Variants in ALMS1 observed in about 807,000 individuals in gnomAD.
ALMS1 encodes ALMS1 centrosome and basal body associated protein.
A neutral mutation model predicts 352.2 loss-of-function variants in ALMS1; 271 were observed. That is an observed-to-expected ratio of 0.77 (90% CI 0.70 to 0.85). The LOEUF (loss-of-function observed/expected upper bound fraction) is 0.85, where lower values mean the gene tolerates loss of function less well. Among genes scored for constraint, ALMS1 ranks in the 40% least tolerant of loss-of-function variants. The pLI is 0.00. For synonymous variants in ALMS1, 1,865 were observed against 1,761.2 expected, an observed-to-expected ratio of 1.06 and a Z score of -1.48; for missense variants, 5,445 against 4,870.7, an observed-to-expected ratio of 1.12 and a Z score of -3.51.
chr2:73,593,229 C>T (rs1187687790), intron 16 of ALMS1, among the ~76,000 whole-genome samples: 2 of 151,784 alleles, frequency 1.3e-5, no homozygotes, highest in Non-Finnish European at 2.9e-5. Context: ...ATGATGGGTC[C>T]TCAGCACAAA....
chr2:73,591,403 A>G (rs556963148), intron 16 of ALMS1, among the ~76,000 whole-genome samples: 1 of 152,320 alleles, frequency 6.6e-6, no homozygotes, highest in East Asian at 1.9e-4. Flanking sequence ...AGTAATGTCA[A>G]TAAATTAATT....
intron 2 of ALMS1, among the ~76,000 whole-genome samples, chr2:73,418,908 GT>G (rs1344318614): frequency 2.0e-5 from 3 of 151,974 alleles, no homozygotes; most frequent in African/African-American, 7.3e-5. Flanking sequence ...AGTATAAAAG[GT>G]TTTTTTGTGT....
At chr2:73,474,940 T>C (rs903940135) in intron 9 of ALMS1, among the ~76,000 whole-genome samples, 1 of 152,144 alleles carries the variant, frequency 6.6e-6, no homozygotes, top group African/African-American at 2.4e-5. Context: ...CCAGTCCACT[T>C]TCTCTCCCAA....
intron 16 of ALMS1, among the ~76,000 whole-genome samples, chr2:73,582,319 G>A (rs1009053788): frequency 1.3e-5 from 2 of 152,004 alleles, no homozygotes; most frequent in Non-Finnish European, 2.9e-5. Context: ...TTAAATAAAG[G>A]TGTGTTCAAC....
chr2:73,482,569 G>T (rs907953022), intron 9 of ALMS1, among the ~76,000 whole-genome samples: 1 of 152,114 alleles, frequency 6.6e-6, no homozygotes, highest in African/African-American at 2.4e-5. Context: ...CCTGGCTTTG[G>T]TATCAGAATG....
intron 1 of ALMS1, among the ~76,000 whole-genome samples, chr2:73,391,647 C>G (rs1024075753): frequency 4.6e-5 from 7 of 152,036 alleles, no homozygotes; most frequent in Non-Finnish European, 1.0e-4. Context: ...AGGGTAAAAA[C>G]TATTTAGTCG....
intron 1 of ALMS1, among the ~76,000 whole-genome samples, chr2:73,392,601 T>C (rs1010670334): frequency 2.0e-5 from 3 of 152,216 alleles, no homozygotes; most frequent in South Asian, 2.1e-4. Flanking sequence ...TGGAATGATA[T>C]GTGTTTTTGT....
chr2:73,464,324 C>T (rs1383910243), intron 9 of ALMS1, among the ~76,000 whole-genome samples: 1 of 152,210 alleles, frequency 6.6e-6, no homozygotes, highest in African/African-American at 2.4e-5. Context: ...CCAGCATATA[C>T]ACAGAACCAA....
chr2:73,581,812 T>C (rs1432474298), intron 16 of ALMS1, among the ~76,000 whole-genome samples: 1 of 151,930 alleles, frequency 6.6e-6, no homozygotes, highest in Non-Finnish European at 1.5e-5. Flanking sequence ...TGGCACAATC[T>C]CAGCTCACTG....
chr2:73,452,352 C>CA lies in ALMS1; in HGVS notation c.5826dup (p.Arg1943ThrfsTer2). 1 of 1,614,084 alleles carries CA rather than the reference C, an allele frequency of 6.2e-7. No individual in the cohort carries two copies. Among genetic ancestry groups the CA allele is most frequent in the Non-Finnish European group, 8.5e-7 (1 of 1,179,986 alleles). The stretch of plus-strand genomic sequence containing the variant: ...CCAACAGTACCTTTAAGTTACTACT[C>CA]ACGTAGAGAGAAGCCCAGTGTTATC... On this transcript the variant is annotated frameshift_variant, in exon 8 of 23. Transcript: ENST00000613296. LOFTEE classifies it high-confidence loss of function.
Position 73,573,145 on chromosome 2 carries a change from C to A in ALMS1, c.11268C>A (p.Gly3756=). ...ATACTACCACCAACATCCTTTCCGG[C>A]ACCACTTCTACTGTCGAATCAGATA... The part of the protein sequence containing the change: ...LTDTTTNILS[G]TTSTVESDIL... The change falls in exon 16 of 23, where the codon GGC becomes GGA. Residue 3756 remains glycine (G), a synonymous_variant. Coordinates refer to ENST00000613296, the MANE Select transcript of ALMS1 (RefSeq NM_001378454.1). The A allele has an allele frequency of 6.2e-7, 1 of 1,613,868 alleles. No homozygotes were observed.
chr2:73,393,144 A>G (rs763616320), intron 1 of ALMS1, among the ~76,000 whole-genome samples: 4 of 151,270 alleles, frequency 2.6e-5, no homozygotes, highest in African/African-American at 7.4e-5. Flanking sequence ...TTATTTGTCT[A>G]TTTACTATTG....
At position 73,602,181 on chromosome 2, in the gene ALMS1, T is replaced by G; in HGVS notation, c.12115-4T>G. 6 of 1,613,604 alleles carry G rather than the reference T, an allele frequency of 3.7e-6. No homozygotes were observed. Among genetic ancestry groups the G allele is most frequent in the Non-Finnish European group, 5.1e-6 (6 of 1,179,754 alleles). ...GGGCATTTTCTCTTTTTTTTTTCTT[T>G]TAGGAATCGCTTCAGTTTCACAGAC... On this transcript the variant is annotated splice_region_variant and splice_polypyrimidine_tract_variant and intron_variant, in intron 19 of 22. Transcript: ENST00000613296.
At chr2:73,466,548 G>A (rs1259942959) in intron 9 of ALMS1, among the ~76,000 whole-genome samples, 1 of 151,494 alleles carries the variant, frequency 6.6e-6, no homozygotes, top group Non-Finnish European at 1.5e-5. Flanking sequence ...GTTAAATGAC[G>A]AGTTAATGGG....
Position 73,453,421 on chromosome 2 carries a change from G to A in ALMS1, c.6894G>A (p.Lys2298=), listed in dbSNP as rs776841349. 1.2e-6 allele frequency: 2 copies of A among 1,613,392 alleles called. No individual in the cohort carries two copies. The highest frequency in any genetic ancestry group is 8.5e-7 in the Non-Finnish European group (1 of 1,179,698). Residue 2298 remains lysine (K), a synonymous_variant, in exon 8 of 23, where the codon AAG becomes AAA. Transcript: ENST00000613296. ...GTGATATTTCATTTATACAATCTAA[G>A]AAGGTGGTTTGCTTCAAAGAACCCT... ...DISDISFIQS[K]KVVCFKEPSS... is the part of the protein sequence containing the mutation.
intron 17 of ALMS1, among the ~76,000 whole-genome samples, chr2:73,600,165 C>T (rs957670280): frequency 2.6e-5 from 4 of 152,000 alleles, no homozygotes; most frequent in African/African-American, 7.3e-5. Context: ...ATGTGCAAAA[C>T]GAATTCTCTG....
intron 16 of ALMS1, among the ~76,000 whole-genome samples, chr2:73,590,756 G>T (rs1403125620): frequency 7.1e-6 from 1 of 140,006 alleles, no homozygotes; most frequent in Non-Finnish European, 1.5e-5. Flanking sequence ...TCGGCTCACT[G>T]CAACCTCCAC....
intron 8 of ALMS1, 79 bp from the exon 9 acceptor site, chr2:73,455,083 T>G: frequency 6.7e-7 from 1 of 1,483,964 alleles, no homozygotes; most frequent in Non-Finnish European, 9.4e-7. Flanking sequence ...TTGCATATAT[T>G]GATGATCTTC....
At chr2:73,521,346 C>T (rs1322022100) in intron 11 of ALMS1, among the ~76,000 whole-genome samples, 1 of 152,006 alleles carries the variant, frequency 6.6e-6, no homozygotes, top group Non-Finnish European at 1.5e-5. Context: ...TGGTTTGGGT[C>T]TGTTCCAGAT....
Sources: gnomAD v4.1 joint callset for allele counts (sites outside exome capture counted in the v4.1 genomes callset) on GRCh38, gnomAD v4.1.1 for gene constraint, MANE v1.5 for transcripts, NCBI Gene and HGNC (gene_info 2026-07-23, HGNC 2026-07-21) for gene names.